IPO13: variants seen among roughly 807,000 people sequenced by gnomAD.
IPO13 encodes importin 13.
Under a neutral mutation model 115.5 loss-of-function variants are expected in IPO13, and 28 were observed. That is an observed-to-expected ratio of 0.24 (90% CI 0.18 to 0.33). The LOEUF (loss-of-function observed/expected upper bound fraction) is 0.33. IPO13 is among the 10% of genes least tolerant of loss of function. The pLI, the probability that IPO13 is intolerant of heterozygous loss-of-function variation, is 1.00. For missense variants in IPO13, 785 were observed against 1,204.6 expected (o/e 0.65, Z 5.16); for synonymous variants, 414 against 478.9 (o/e 0.86, Z 1.77).
chr1:43,947,978 T>G (rs1385986551), intron 1 of IPO13, among the ~76,000 whole-genome samples: 5 of 152,218 alleles, frequency 3.3e-5, no homozygotes, highest in Non-Finnish European at 7.3e-5. Context: ...CCATGGGAAC[T>G]GCATGAGCAG....
At chr1:43,964,344 C>T in intron 15 of IPO13, 23 bp downstream of exon 15, 1 of 1,551,546 alleles carries the variant, frequency 6.4e-7, no homozygotes, top group Non-Finnish European at 8.9e-7. Flanking sequence ...TTTATTCATT[C>T]ACGTTCTGTT....
At chr1:43,961,359 C>A in intron 14 of IPO13, 97 bp downstream of exon 14, 1 of 964,144 alleles carries the variant, frequency 1.0e-6, no homozygotes, top group Non-Finnish European at 1.7e-6. Context: ...TCTTCTCTGT[C>A]CCCTGAGTCA....
rs115978839 is a variant in IPO13, at chr1:43,967,689, C to A, written c.*7C>A. The A allele has an allele frequency of 2.1e-3, 3,335 of 1,611,812 alleles. 65 individuals are homozygous for A. The African/African-American group carries it at 0.04, about 19-fold the overall frequency. ...TTACACAGCTGACTACTGAGGGGTG[C>A]CCCCATCCCATCCACCCCTTCTCTT... On this transcript the variant is annotated 3_prime_UTR_variant, in exon 20 of 20. Coordinates refer to ENST00000372343, the MANE Select transcript of IPO13 (RefSeq NM_014652.4). This position sits in a 1 kb window ranked among gnomAD's most constrained non-coding sequence, Gnocchi z 6.1.
rs1386687548 is a variant in IPO13, at chr1:43,967,702, C to A, written c.*20C>A. On this transcript the variant is annotated 3_prime_UTR_variant, in exon 20 of 20. Coordinates refer to ENST00000372343, the MANE Select transcript of IPO13 (RefSeq NM_014652.4). The surrounding 1 kb of genome is among the most constrained non-coding windows in gnomAD (Gnocchi z 6.1). ...TACTGAGGGGTGCCCCCATCCCATC[C>A]ACCCCTTCTCTTCATCCTTCCCTAT... is the stretch of plus-strand genomic sequence containing the variant. 1 of 1,603,068 alleles carries A rather than the reference C, an allele frequency of 6.2e-7. No individual in the cohort carries two copies. The highest frequency in any genetic ancestry group is 1.7e-5 in the Admixed American group (1 of 59,976).
rs1042995661 is a variant in IPO13 at position 43,946,955 on chromosome 1, T to G, written c.-646T>G. On this transcript the variant is annotated 5_prime_UTR_variant, in exon 1 of 20. Transcript: ENST00000372343. The stretch of plus-strand genomic sequence containing the variant: ...GCCCCGTCCCGGCCGGCCTGGCTTG[T>G]CTTGTCAGTCACTGGGGCGGAGGCA... The G allele has an allele frequency of 3.3e-5, 13 of 397,982 alleles. No homozygotes were observed. The highest frequency in any genetic ancestry group is 4.9e-5 in the Non-Finnish European group (11 of 225,968). 24.7% of individuals were successfully genotyped at this position (397,982 alleles called of 1,614,324 possible).
At position 43,947,660 on chromosome 1, in the gene IPO13, C is replaced by T; in HGVS notation, c.60C>T (p.Asp20=). 1 of 1,330,948 alleles carries T rather than the reference C, an allele frequency of 7.5e-7. No individual in the cohort carries two copies. The highest frequency in any genetic ancestry group is 2.1e-5 in the South Asian group (1 of 47,246). 82.4% of individuals were successfully genotyped at this position (1,330,948 alleles called of 1,614,324 possible). ...AAGAGAAPAL[D]FTVENVEKAL... is the part of the protein sequence containing the mutation. ...GGGCTGGAGCAGCACCAGCCTTGGA[C>T]TTCACTGTGGAGAACGTGGAGAAGG... Residue 20 remains aspartate, a synonymous_variant, in exon 1 of 20, where the codon GAC becomes GAT. Transcript: ENST00000372343.
In IPO13 at chr1:43,967,213, G is replaced by A. The variant is rs1458560418; in HGVS notation, c.2614-102G>A. ...CAAAAAGCAGCGCTCACTGTGATGT[G>A]CAGTTTGGCTTAGGAACTGTCCAGA... On this transcript the variant is annotated intron_variant, in intron 18 of 19. Transcript: ENST00000372343. This position sits in a 1 kb window ranked among gnomAD's most constrained non-coding sequence, Gnocchi z 6.1. The A allele has an allele frequency of 2.3e-6, 3 of 1,293,732 alleles. No individual in the cohort carries two copies. In the African/African-American group the frequency reaches 4.4e-5, roughly 19 times the overall value. The allele number at this position is 1,293,732 out of a possible 1,614,324, so 80.1% of individuals were successfully genotyped here. A position where few individuals can be genotyped will look rare whatever the true frequency, so the allele number is the denominator to read the frequency against.
rs368161909 is a variant in IPO13 at position 43,949,436 on chromosome 1, A to G, written c.104A>G (p.Tyr35Cys). 4 of 1,610,136 alleles carry G rather than the reference A, an allele frequency of 2.5e-6. No individual in the cohort carries two copies. The highest frequency in any genetic ancestry group is 2.7e-5 in the African/African-American group (2 of 74,826). ...NVEKALHQLY[Y>C]DPNIENKNLA... Reference sequence around the variant, plus strand: ...CTGCAGGCGCTGCACCAGCTCTACTATGATCCCAACATTGAGAATAAGAAC... The same window carrying G: ...CTGCAGGCGCTGCACCAGCTCTACTGTGATCCCAACATTGAGAATAAGAAC... Residue 35 changes from tyrosine to cysteine, a missense_variant, in exon 2 of 20, where the codon TAT becomes TGT. Physicochemically the swap from Tyr to Cys is radical, Grantham distance 194. Coordinates refer to ENST00000372343, the MANE Select transcript of IPO13 (RefSeq NM_014652.4).
In IPO13 at chr1:43,956,252, C is replaced by G. The variant is rs770861671; in HGVS notation, c.822-68C>G. On this transcript the variant is annotated intron_variant, in intron 2 of 19. Transcript: ENST00000372343. The surrounding 1 kb of genome is among the most constrained non-coding windows in gnomAD (Gnocchi z 4.7). ...TTGATGGAAGACAAGGAGATTATGC[C>G]TTTCTCTTAAAGCCAGTGTGGGGTT... The G allele has an allele frequency of 2.5e-6, 4 of 1,569,774 alleles. No individual in the cohort carries two copies. The highest frequency in any genetic ancestry group is 3.5e-6 in the Non-Finnish European group (4 of 1,147,226).
intron 2 of IPO13, among the ~76,000 whole-genome samples, chr1:43,955,182 C>G (rs1308348855): frequency 1.3e-5 from 2 of 152,168 alleles, no homozygotes; most frequent in Non-Finnish European, 2.9e-5. Flanking sequence ...CCACACTCCT[C>G]AAGAGTTGGG....
Position 43,960,260 on chromosome 1 carries a change from G to A in IPO13, c.2040G>A (p.Val680=). 6.2e-7 allele frequency: 1 copy of A among 1,614,146 alleles called. No individual in the cohort carries two copies. The highest frequency in any genetic ancestry group is 1.1e-5 in the South Asian group (1 of 91,080). Residue 680 remains valine (V), a synonymous_variant, in exon 12 of 20, where the codon GTG becomes GTA. Coordinates refer to ENST00000372343, the MANE Select transcript of IPO13 (RefSeq NM_014652.4). ...TCCTGTGCCTTCAGGTGGTGGTGGT[G>A]CTGCAGCAGGTCTTCCAGCTTATCC... ...VPQGPNPVVV[V]LQQVFQLIQK... is the part of the protein sequence containing the mutation.
Position 43,949,400 on chromosome 1 carries a change from C to A in IPO13, c.85-17C>A. ...CCAGAGTGGCCAGCACCTGCTCAGT[C>A]CTGTGCTGTCCTGCAGGCGCTGCAC... On this transcript the variant is annotated splice_polypyrimidine_tract_variant and intron_variant, in intron 1 of 19. Transcript: ENST00000372343. The A allele has an allele frequency of 6.3e-7, 1 of 1,580,434 alleles. No homozygotes were observed. Among genetic ancestry groups the A allele is most frequent in the Non-Finnish European group, 8.6e-7 (1 of 1,162,956 alleles).
In IPO13 at chr1:43,966,863, G is replaced by C; in HGVS notation, c.2524-67G>C. On this transcript the variant is annotated intron_variant, in intron 17 of 19. Coordinates refer to ENST00000372343, the MANE Select transcript of IPO13 (RefSeq NM_014652.4). The surrounding 1 kb of genome is among the most constrained non-coding windows in gnomAD (Gnocchi z 4.1). ...GGACTTCAGACAGTAGGGCTGGGGTGTACAGGTCTTGTCCTCAGGGAGAGC... is the reference window on the plus strand; with the variant it reads ...GGACTTCAGACAGTAGGGCTGGGGTCTACAGGTCTTGTCCTCAGGGAGAGC... 6.2e-7 allele frequency: 1 copy of C among 1,607,292 alleles called. No individual in the cohort carries two copies. Among genetic ancestry groups the C allele is most frequent in the Non-Finnish European group, 8.5e-7 (1 of 1,174,110 alleles).
rs138481631 is a variant in IPO13, at chr1:43,963,348, T to C, written c.2345-921T>C. 2.5e-3 allele frequency among the ~76,000 whole-genome samples: 385 copies of C among 152,326 alleles called. 11 individuals carry two copies. Among genetic ancestry groups the C allele is most frequent in the Admixed American group, 0.019 (294 of 15,302 alleles). On this transcript the variant is annotated intron_variant, in intron 14 of 19. Transcript: ENST00000372343. ...GCAGCAGTGTCCAACATCATATACGTTGGGCTTGTTGGTTGTCTCGCTGGA... is the reference window on the plus strand; with the variant it reads ...GCAGCAGTGTCCAACATCATATACGCTGGGCTTGTTGGTTGTCTCGCTGGA...
At chr1:43,951,951 G>A (rs1213204939) in intron 2 of IPO13, among the ~76,000 whole-genome samples, 1 of 152,146 alleles carries the variant, frequency 6.6e-6, no homozygotes, top group African/African-American at 2.4e-5. Flanking sequence ...AGTTGAAAAG[G>A]TTTAAACAGG....
At chr1:43,957,126 T>C in intron 5 of IPO13, 69 bp from the exon 6 acceptor site, 1 of 1,588,230 alleles carries the variant, frequency 6.3e-7, no homozygotes, top group Admixed American at 1.7e-5. Context: ...TGGGGTAGGC[T>C]CCTGGGCTTG....
rs2085265476 is a variant in IPO13 at position 43,958,285 on chromosome 1, T to C, written c.1749+17T>C. ...ATCCACAAGGTGCGGCTCAAAAGTT[T>C]CTAGGGGTCTCCTTGGAGGTCTTGT... On this transcript the variant is annotated intron_variant, in intron 9 of 19. Transcript: ENST00000372343. This position sits in a 1 kb window ranked among gnomAD's most constrained non-coding sequence, Gnocchi z 6.3. 2 of 1,613,998 alleles carry C rather than the reference T, an allele frequency of 1.2e-6. No homozygotes were observed. The highest frequency in any genetic ancestry group is 1.7e-6 in the Non-Finnish European group (2 of 1,179,992).
At chr1:43,965,249 C>T (rs1376709911) in intron 15 of IPO13, among the ~76,000 whole-genome samples, 2 of 151,998 alleles carry the variant, frequency 1.3e-5, no homozygotes, top group Non-Finnish European at 2.9e-5. Context: ...GATCCTAGCA[C>T]GCAGACCCCC....
chr1:43,954,952 T>G (rs2085234030), intron 2 of IPO13, among the ~76,000 whole-genome samples: 1 of 152,184 alleles, frequency 6.6e-6, no homozygotes, highest in Non-Finnish European at 1.5e-5. Flanking sequence ...AGACTGAGCT[T>G]ATCACCTTCC....
Sources: gnomAD v4.1 joint callset for allele counts (sites outside exome capture counted in the v4.1 genomes callset) on GRCh38, gnomAD v4.1.1 for gene constraint, Gnocchi (gnomAD v3.1) non-coding constraint, MANE v1.5 for transcripts, NCBI Gene and HGNC (gene_info 2026-07-23, HGNC 2026-07-21) for gene names.